CA5A: variants seen among roughly 807,000 people sequenced by gnomAD.
CA5A encodes the protein carbonic anhydrase 5A, mitochondrial.
A neutral mutation model predicts 37.1 loss-of-function variants in CA5A; 28 were observed. The observed-to-expected ratio is 0.75, with a 90% CI of 0.56 to 1.03. The LOEUF is 1.03. Among genes scored for constraint, CA5A ranks in the 50% least tolerant of loss-of-function variants. The probability of loss-of-function intolerance (pLI) is 0.00; values close to 1 mark genes in which losing one functional copy is unlikely to be tolerated. For missense variants in CA5A, 444 were observed against 399.9 expected, an observed-to-expected ratio of 1.11 and a Z score of -0.94; for synonymous variants, 171 against 158.4, an observed-to-expected ratio of 1.08 and a Z score of -0.60.
chr16:87,919,143 G>C (rs1031269002), intron 2 of CA5A, among the ~76,000 whole-genome samples: 1 of 152,200 alleles, frequency 6.6e-6, no homozygotes, highest in Non-Finnish European at 1.5e-5. Flanking sequence ...GTGGGGTCGG[G>C]ACAAGGTCAG....
intron 4 of CA5A, 31 bp from the exon 5 acceptor site, chr16:87,902,005 C>T (rs748875375): frequency 1.9e-6 from 3 of 1,599,140 alleles, no homozygotes; most frequent in Non-Finnish European, 2.6e-6. Context: ...GGGTTAGCTG[C>T]AAAGGCAGTG....
intron 1 of CA5A, among the ~76,000 whole-genome samples, chr16:87,932,577 G>A (rs2056422352): frequency 6.6e-6 from 1 of 152,288 alleles, no homozygotes; most frequent in South Asian, 2.1e-4. Flanking sequence ...TTCCAGTAGG[G>A]CTCCAATGGG....
intron 2 of CA5A, among the ~76,000 whole-genome samples, chr16:87,917,969 C>G (rs747076275): frequency 1.2e-4 from 18 of 152,228 alleles, no homozygotes; most frequent in Non-Finnish European, 2.2e-4. Flanking sequence ...CGTCCTTGAA[C>G]CGCACAGCCA....
At chr16:87,909,035 G>C (rs562135748) in intron 2 of CA5A, among the ~76,000 whole-genome samples, 26 of 147,524 alleles carry the variant, frequency 1.8e-4, no homozygotes, top group African/African-American at 5.9e-4. Flanking sequence ...GTTTCACCAT[G>C]TTGGCCAGGA....
chr16:87,919,724 C>A (rs117162934), intron 2 of CA5A, among the ~76,000 whole-genome samples: 3 of 152,120 alleles, frequency 2.0e-5, no homozygotes, highest in East Asian at 1.9e-4. Flanking sequence ...AGTCTTAAGA[C>A]GGCTTACTGG....
chr16:87,908,822 T>C (rs2056005007), intron 2 of CA5A, among the ~76,000 whole-genome samples: 1 of 151,966 alleles, frequency 6.6e-6, no homozygotes, highest in African/African-American at 2.4e-5. Context: ...TCTTCTGCTT[T>C]TTCTTCTTTT....
chr16:87,923,057 C>T (rs1234334415), intron 2 of CA5A, among the ~76,000 whole-genome samples: 3 of 152,266 alleles, frequency 2.0e-5, no homozygotes, highest in Non-Finnish European at 4.4e-5. Context: ...CGGAAGCCGG[C>T]TCCTTGTACT....
At chr16:87,904,695 T>A (rs866589028) in intron 3 of CA5A, 91 bp downstream of exon 3, 1 of 777,432 alleles carries the variant, frequency 1.3e-6, no homozygotes, top group Middle Eastern at 2.6e-4. Context: ...CCTTCACATC[T>A]GAGCGGCGCG....
chr16:87,903,664 A>G (rs1017004920), intron 3 of CA5A, among the ~76,000 whole-genome samples: 5 of 152,186 alleles, frequency 3.3e-5, no homozygotes, highest in African/African-American at 1.2e-4. Context: ...ATTACAAGCA[A>G]TTTTCATTTT....
intron 5 of CA5A, among the ~76,000 whole-genome samples, chr16:87,899,919 C>CAAAAAAAAAAAAAAAAAAAAAAA (rs565557401): frequency 2.1e-5 from 1 of 46,512 alleles, no homozygotes; most frequent in African/African-American, 8.2e-5. Context: ...GATTTTATCT[C>CAAAAAAAAAAAAAAAAAAAAAAA]AAAAAAAAAA....
intron 2 of CA5A, among the ~76,000 whole-genome samples, chr16:87,909,828 T>C (rs2056024404): frequency 6.6e-6 from 1 of 152,188 alleles, no homozygotes; most frequent in Non-Finnish European, 1.5e-5. Flanking sequence ...AAAGCCGTGT[T>C]TCGTTACTCT....
At chr16:87,891,632 C>G (rs2055714504) in intron 6 of CA5A, among the ~76,000 whole-genome samples, 167 bp downstream of exon 6, 1 of 152,210 alleles carries the variant, frequency 6.6e-6, no homozygotes, top group Non-Finnish European at 1.5e-5. Flanking sequence ...CCAATCTCAA[C>G]AAGCTCCTAC....
chr16:87,888,007 A>T, downstream of CA5A: 1 of 1,429,462 alleles, frequency 7.0e-7, no homozygotes, highest in Admixed American at 2.5e-5. Context: ...ACTTCGACTA[A>T]AACAATAACC....
downstream of CA5A, chr16:87,885,174 A>C (rs2055638998): frequency 5.9e-6 from 1 of 168,682 alleles, no homozygotes; most frequent in Non-Finnish European, 1.2e-5. Flanking sequence ...AAAACAAAAC[A>C]AAACAAAACA....
At chr16:87,898,278 G>A (rs2055830701) in intron 5 of CA5A, among the ~76,000 whole-genome samples, 1 of 152,236 alleles carries the variant, frequency 6.6e-6, no homozygotes, top group African/African-American at 2.4e-5. Flanking sequence ...AGCTGCAGGT[G>A]AGCCCGTCCC....
At chr16:87,927,976 G>C (rs1170662654) in intron 1 of CA5A, among the ~76,000 whole-genome samples, 1 of 152,056 alleles carries the variant, frequency 6.6e-6, no homozygotes, top group Non-Finnish European at 1.5e-5. Flanking sequence ...CATGCTAAGA[G>C]AAAGCTGGAT....
chr16:87,895,226 G>A (rs1435631066), intron 5 of CA5A, among the ~76,000 whole-genome samples: 6 of 151,874 alleles, frequency 4.0e-5, no homozygotes, highest in Non-Finnish European at 7.4e-5. Context: ...CTCTAGCCTC[G>A]GTGACGGAGT....
At chr16:87,927,170 C>A (rs938017873) in intron 1 of CA5A, among the ~76,000 whole-genome samples, 1 of 152,256 alleles carries the variant, frequency 6.6e-6, no homozygotes, top group South Asian at 2.1e-4. Context: ...CTTTCCCACC[C>A]GGAAGCAACT....
At position 87,904,360 on chromosome 16, in the gene CA5A, C is replaced by A. The variant is rs576527122; in HGVS notation, c.459+426G>T. Among the ~76,000 whole-genome samples the A allele has an allele frequency of 9.3e-5, 14 of 150,800 alleles. No homozygotes were observed. The East Asian group carries it at 9.7e-4, about 10-fold the overall frequency. On this transcript the variant is annotated intron_variant, in intron 3 of 6. Coordinates refer to ENST00000649794, the MANE Select transcript of CA5A (RefSeq NM_001739.2). ...TGTTTCAAAAAAAAAAAACCAAAAA[C>A]CAAAAAACAAACAAACAAACAAACA...
Sources: allele counts gnomAD v4.1 joint callset (sites outside exome capture counted in the v4.1 genomes callset), GRCh38; gene constraint gnomAD v4.1.1; transcripts MANE v1.5; gene names NCBI Gene and HGNC (gene_info 2026-07-23, HGNC 2026-07-21).